The following PLCB4 variants were observed in gnomAD, a reference collection of about 807,000 sequenced individuals.
PLCB4 encodes the protein 1-phosphatidylinositol 4,5-bisphosphate phosphodiesterase beta-4.
A neutral mutation model predicts 178.8 loss-of-function variants in PLCB4; 77 were observed. That is an observed-to-expected ratio of 0.43 (90% confidence interval 0.36 to 0.52). The LOEUF (loss-of-function observed/expected upper bound fraction) is 0.52, where lower values mean the gene tolerates loss of function less well. PLCB4 is among the 20% of genes least tolerant of loss of function. The pLI, the probability that PLCB4 is intolerant of heterozygous loss-of-function variation, is 0.00. For missense variants in PLCB4, 1,024 were observed against 1,453.4 expected (o/e 0.70, Z 4.80); for synonymous variants, 496 against 490.8 (o/e 1.01, Z -0.14).
intron 26 of PLCB4, among the ~76,000 whole-genome samples, chr20:9,420,790 G>A (rs753337556): frequency 5.9e-5 from 9 of 152,098 alleles, no homozygotes; most frequent in Admixed American, 1.3e-4. Flanking sequence ...TAGCTTTATC[G>A]TAGATAGACT....
intron 2 of PLCB4, among the ~76,000 whole-genome samples, chr20:9,188,584 GGGTTGGTTAA>G (rs2093359891): frequency 7.4e-6 from 1 of 135,086 alleles, no homozygotes; most frequent in East Asian, 2.2e-4. Context: ...GTGACATTCT[GGGTTGGTTAA>G]CTGTTCATTG....
intron 1 of PLCB4, among the ~76,000 whole-genome samples, chr20:9,094,136 C>G (rs1311371212): frequency 3.3e-5 from 5 of 152,004 alleles, no homozygotes; most frequent in Non-Finnish European, 5.9e-5. Context: ...TTCATTTCCC[C>G]AATTACATGA....
chr20:9,342,927 G>T (rs374622135), intron 7 of PLCB4, among the ~76,000 whole-genome samples: 1 of 152,126 alleles, frequency 6.6e-6, no homozygotes, highest in South Asian at 2.1e-4. Flanking sequence ...ACAAGATCGT[G>T]TCATTGGTTT....
chr20:9,154,654 C>T lies in PLCB4; in HGVS notation c.-79+58312C>T, dbSNP rs576088103. Among the ~76,000 whole-genome samples the T allele has an allele frequency of 7.2e-4, 110 of 152,268 alleles. 1 individual carries two copies. The highest frequency in any genetic ancestry group is 2.5e-3 in the African/African-American group (102 of 41,560). Reference sequence around the variant, plus strand: ...TTGATCAGCTACCATATACCATGCACTGTACCAGATCTTAGCAGAGTCTAG... The same window carrying T: ...TTGATCAGCTACCATATACCATGCATTGTACCAGATCTTAGCAGAGTCTAG... On this transcript the variant is annotated intron_variant, in intron 2 of 39. Transcript: ENST00000378473.
intron 25 of PLCB4, among the ~76,000 whole-genome samples, chr20:9,418,856 T>C (rs1385420299): frequency 6.6e-6 from 1 of 152,122 alleles, no homozygotes; most frequent in Admixed American, 6.5e-5. Flanking sequence ...CAGTGTTTTG[T>C]AGTTTTCAAA....
chr20:9,468,773 A>G, intron 36 of PLCB4, 101 bp downstream of exon 36: 1 of 651,534 alleles, frequency 1.5e-6, no homozygotes. Flanking sequence ...GAGACAGCAA[A>G]ACACTTGTGG....
At position 9,420,036 on chromosome 20, in the gene PLCB4, A is replaced by AC. The variant is rs2040517691; in HGVS notation, c.2154+132dup. ...GCTCACAACTTTGACTTAAGATTCC[A>AC]CCCCCTTTTTAAAAAATGAGACCCA... On this transcript the variant is annotated intron_variant, in intron 26 of 39. Coordinates refer to ENST00000378473, the MANE Select transcript of PLCB4 (RefSeq NM_001377142.1). 3 of 523,750 alleles carry AC rather than the reference A, an allele frequency of 5.7e-6. No homozygotes were observed. In the South Asian group the frequency reaches 1.3e-4, roughly 22 times the overall value. The allele number at this position is 523,750 out of a possible 1,614,324, so 32.4% of individuals were successfully genotyped here.
intron 3 of PLCB4, among the ~76,000 whole-genome samples, chr20:9,300,349 T>C (rs1306490772): frequency 6.6e-6 from 1 of 152,162 alleles, no homozygotes; most frequent in African/African-American, 2.4e-5. Context: ...GAAATTTTTT[T>C]GTCATAAGGT....
At chr20:9,340,158 A>G (rs1409702896) in intron 7 of PLCB4, among the ~76,000 whole-genome samples, 1 of 152,170 alleles carries the variant, frequency 6.6e-6, no homozygotes, top group Non-Finnish European at 1.5e-5. Flanking sequence ...AGAAATATTG[A>G]ATTTTAGAGC....
intron 34 of PLCB4, among the ~76,000 whole-genome samples, chr20:9,459,109 C>T (rs1440724817): frequency 3.3e-5 from 5 of 152,156 alleles, no homozygotes; most frequent in Admixed American, 1.3e-4. Flanking sequence ...TCTGGGAGGC[C>T]GAGGCAGGTG....
chr20:9,333,553 C>G (rs2032006215), intron 4 of PLCB4, among the ~76,000 whole-genome samples: 1 of 152,154 alleles, frequency 6.6e-6, no homozygotes, highest in Admixed American at 6.6e-5. Flanking sequence ...CCAGATCGTT[C>G]AGGACCTTTT....
At chr20:9,367,566 CAGAG>C (rs2035888993) in intron 9 of PLCB4, among the ~76,000 whole-genome samples, 2 of 152,158 alleles carry the variant, frequency 1.3e-5, no homozygotes, top group South Asian at 4.1e-4. Context: ...TATTTAAAAT[CAGAG>C]AGCACAAAGC....
chr20:9,129,892 G>C (rs1048167018), intron 2 of PLCB4, among the ~76,000 whole-genome samples: 1 of 152,088 alleles, frequency 6.6e-6, no homozygotes, highest in Non-Finnish European at 1.5e-5. Flanking sequence ...TAGGTCTTTT[G>C]TTGGATAGGA....
intron 13 of PLCB4, 109 bp downstream of exon 13, chr20:9,380,271 A>C (rs1179624104): frequency 1.8e-6 from 1 of 560,144 alleles, no homozygotes; most frequent in South Asian, 2.8e-5. Context: ...TCCCTGAGCC[A>C]TGGATTGATG....
intron 14 of PLCB4, among the ~76,000 whole-genome samples, chr20:9,385,524 G>T (rs1246672508): frequency 6.7e-6 from 1 of 149,758 alleles, no homozygotes; most frequent in African/African-American, 2.5e-5. Context: ...GGGCAAAGGC[G>T]CTTCTCACAT....
chr20:9,225,099 T>A (rs1234206740), intron 3 of PLCB4, among the ~76,000 whole-genome samples: 1 of 152,170 alleles, frequency 6.6e-6, no homozygotes, highest in Non-Finnish European at 1.5e-5. Flanking sequence ...GACCGATGAA[T>A]GAAGGGCTAG....
chr20:9,227,000 C>T (rs1313590652), intron 3 of PLCB4, among the ~76,000 whole-genome samples: 1 of 151,856 alleles, frequency 6.6e-6, no homozygotes, highest in East Asian at 1.9e-4. Flanking sequence ...TAAATTAGAG[C>T]TTTCTTAGTA....
chr20:9,241,920 T>G (rs987489692), intron 3 of PLCB4, among the ~76,000 whole-genome samples: 14 of 152,326 alleles, frequency 9.2e-5, no homozygotes, highest in African/African-American at 3.4e-4. Flanking sequence ...AGTTGGGGGC[T>G]GGCCAATTTT....
chr20:9,374,441 C>A (rs1225444926), intron 12 of PLCB4, among the ~76,000 whole-genome samples: 7 of 152,052 alleles, frequency 4.6e-5, no homozygotes, highest in Non-Finnish European at 1.0e-4. Context: ...CTTCTTCTGC[C>A]TTTTGTTTTT....
Sources: gnomAD v4.1 joint callset for allele counts (sites outside exome capture counted in the v4.1 genomes callset) on GRCh38, gnomAD v4.1.1 for gene constraint, MANE v1.5 for transcripts, NCBI Gene and HGNC (gene_info 2026-07-23, HGNC 2026-07-21) for gene names.